NBEA: variants seen among roughly 807,000 people sequenced by gnomAD.
NBEA encodes the protein neurobeachin, also known as lysosomal-trafficking regulator 2.
A neutral mutation model predicts 343.4 loss-of-function variants in NBEA; 44 were observed. The observed-to-expected ratio is 0.13, with a 90% CI of 0.10 to 0.16. NBEA has a LOEUF of 0.16. Among genes scored for constraint, NBEA ranks in the 10% least tolerant of loss-of-function variants. The probability of loss-of-function intolerance (pLI) is 1.00; values close to 1 mark genes in which losing one functional copy is unlikely to be tolerated. For synonymous variants in NBEA, 1,175 were observed against 1,238.7 expected (o/e 0.95, Z 1.08); for missense variants, 2,555 against 3,631.3 (o/e 0.70, Z 7.62).
At chr13:35,301,099 T>C (rs2036511030) in intron 35 of NBEA, among the ~76,000 whole-genome samples, 1 of 152,082 alleles carries the variant, frequency 6.6e-6, no homozygotes, top group African/African-American at 2.4e-5. Flanking sequence ...CTTTTCTGTC[T>C]CTCATTTAGT....
intron 39 of NBEA, among the ~76,000 whole-genome samples, chr13:35,442,102 C>A (rs1732802773): frequency 6.6e-6 from 1 of 152,068 alleles, no homozygotes; most frequent in Admixed American, 6.6e-5. Flanking sequence ...GAAATACCAA[C>A]AAAAGTGCCA....
At chr13:35,270,523 G>T (rs569389512) in intron 34 of NBEA, among the ~76,000 whole-genome samples, 1 of 152,214 alleles carries the variant, frequency 6.6e-6, no homozygotes, top group Non-Finnish European at 1.5e-5. Flanking sequence ...CCAGGGCAGG[G>T]TGTCGCCTCA....
intron 1 of NBEA, among the ~76,000 whole-genome samples, chr13:34,953,977 G>A (rs2059419535): frequency 6.6e-6 from 1 of 152,194 alleles, no homozygotes; most frequent in Admixed American, 6.5e-5. Context: ...CTGATGATCT[G>A]AGGTGGAACA....
intron 38 of NBEA, among the ~76,000 whole-genome samples, chr13:35,368,485 C>A (rs2041251386): frequency 6.6e-6 from 1 of 151,480 alleles, no homozygotes; most frequent in Non-Finnish European, 1.5e-5. Context: ...CTATTCTGTC[C>A]CACTTGAGAT....
chr13:35,220,413 T>C (rs1167913075), intron 33 of NBEA, among the ~76,000 whole-genome samples: 1 of 152,202 alleles, frequency 6.6e-6, no homozygotes, highest in Admixed American at 6.5e-5. Flanking sequence ...TCATGAATTT[T>C]TAGTTCCTAT....
chr13:35,423,614 G>T (rs566087872), intron 38 of NBEA, among the ~76,000 whole-genome samples: 2 of 152,150 alleles, frequency 1.3e-5, no homozygotes, highest in African/African-American at 4.8e-5. Flanking sequence ...TTTGGCTTAG[G>T]ATTGACTTGG....
chr13:35,626,195 A>G (rs1177657710), intron 48 of NBEA, among the ~76,000 whole-genome samples: 1 of 152,256 alleles, frequency 6.6e-6, no homozygotes, highest in East Asian at 1.9e-4. Flanking sequence ...GTTCAAAAGT[A>G]TATCCACAAA....
chr13:35,229,451 T>C (rs1269484133), intron 33 of NBEA, among the ~76,000 whole-genome samples: 1 of 152,202 alleles, frequency 6.6e-6, no homozygotes, highest in Non-Finnish European at 1.5e-5. Context: ...AATAATTTGC[T>C]GAAGAATACC....
chr13:35,482,588 A>G (rs1054578289), intron 41 of NBEA, among the ~76,000 whole-genome samples: 5 of 151,676 alleles, frequency 3.3e-5, no homozygotes, highest in Non-Finnish European at 5.9e-5. Flanking sequence ...AGAAGCATGA[A>G]CAGCATAGTT....
At chr13:35,441,223 TAAAAG>T (rs1425042256) in intron 39 of NBEA, among the ~76,000 whole-genome samples, 1 of 152,190 alleles carries the variant, frequency 6.6e-6, no homozygotes, top group Non-Finnish European at 1.5e-5. Context: ...GTGATATACT[TAAAAG>T]AAGACACCAA....
At chr13:35,174,709 G>T (rs1449248645) in intron 27 of NBEA, among the ~76,000 whole-genome samples, 1 of 152,058 alleles carries the variant, frequency 6.6e-6, no homozygotes, top group Admixed American at 6.6e-5. Context: ...CATCAGTAAT[G>T]CCTGATATCA....
In NBEA at chr13:35,182,507, A is replaced by G. The variant is rs772128021; in HGVS notation, c.4810A>G (p.Ile1604Val). ...ACCAGGTAGAAACATCAGGCAAGAAATAAATTCACCAACAAGTACAGGTAC... is the reference window on the plus strand; with the variant it reads ...ACCAGGTAGAAACATCAGGCAAGAAGTAAATTCACCAACAAGTACAGGTAC... ...SQPGRNIRQE[I>V]NSPTSTVVVI... The change falls in exon 29 of 59, where the codon ATA becomes GTA. Residue 1604 changes from isoleucine (I) to valine (V), a missense_variant. This residue lies in a region of NBEA where 270 missense variants were observed against 293.3 expected (regional missense o/e 0.92). Transcript: ENST00000379939. 1 of 1,609,998 alleles carries G rather than the reference A, an allele frequency of 6.2e-7. No individual in the cohort carries two copies. Among genetic ancestry groups the G allele is most frequent in the Non-Finnish European group, 8.5e-7 (1 of 1,177,268 alleles).
intron 1 of NBEA, among the ~76,000 whole-genome samples, chr13:34,943,347 A>G (rs964071033): frequency 2.0e-5 from 3 of 151,992 alleles, no homozygotes; most frequent in Non-Finnish European, 4.4e-5. Flanking sequence ...GCAGTGCCCA[A>G]CTTAACACCG....
At chr13:35,111,583 A>G (rs1298873005) in intron 13 of NBEA, among the ~76,000 whole-genome samples, 9 of 152,120 alleles carry the variant, frequency 5.9e-5, no homozygotes, top group Non-Finnish European at 1.2e-4. Flanking sequence ...TTAATTATAG[A>G]TTGAGATTTT....
chr13:35,433,666 A>G (rs936427245), intron 39 of NBEA, among the ~76,000 whole-genome samples: 4 of 152,044 alleles, frequency 2.6e-5, no homozygotes, highest in African/African-American at 7.2e-5. Flanking sequence ...CAGTAACTTT[A>G]TATAGTAAAA....
intron 1 of NBEA, among the ~76,000 whole-genome samples, chr13:34,996,822 A>G (rs2060958448): frequency 6.6e-6 from 1 of 152,180 alleles, no homozygotes; most frequent in South Asian, 2.1e-4. Context: ...AGTAAATAGT[A>G]TACATGCTCA....
chr13:35,186,782 T>C (rs879602255), intron 30 of NBEA: 11 of 152,132 alleles, frequency 7.2e-5, no homozygotes, highest in African/African-American at 1.2e-4. Flanking sequence ...TGTTTAGTTA[T>C]GTTGTGTAAT....
Position 35,159,240 on chromosome 13 carries a change from T to G in NBEA, c.3069T>G (p.Asp1023Glu), listed in dbSNP as rs1004093393. 32 of 1,613,540 alleles carry G rather than the reference T, an allele frequency of 2.0e-5. No homozygotes were observed. Among genetic ancestry groups the G allele is most frequent in the African/African-American group, 2.7e-5 (2 of 74,918 alleles). The change falls in exon 22 of 59, where the codon GAT becomes GAG. Residue 1023 changes from aspartate to glutamate, a missense_variant. Around this residue, in one of 21 missense-constraint regions of NBEA, gnomAD observed 367 missense variants for 377.5 expected, o/e 0.97. Coordinates refer to ENST00000379939, the MANE Select transcript of NBEA (RefSeq NM_001385012.1). ...ESETDYPVSTDTRDLLMSTKV... is the reference protein window; with the variant it reads ...ESETDYPVSTETRDLLMSTKV... Reference sequence around the variant, plus strand: ...AGACCGATTACCCTGTCAGCACAGATACTCGAGACTTACTCATGTCAACAA... The same window carrying G: ...AGACCGATTACCCTGTCAGCACAGAGACTCGAGACTTACTCATGTCAACAA...
chr13:35,149,237 T>G (rs74048917), intron 18 of NBEA, among the ~76,000 whole-genome samples: 4,234 of 152,284 alleles, frequency 0.028, 87 homozygotes, highest in South Asian at 0.075. Flanking sequence ...CTTTTCCCTA[T>G]GCAGAGTATA....
Sources: gnomAD v4.1 joint callset for allele counts (sites outside exome capture counted in the v4.1 genomes callset) on GRCh38, gnomAD v4.1.1 for gene constraint, gnomAD v4.1.1 regional missense constraint, MANE v1.5 for transcripts, NCBI Gene and HGNC (gene_info 2026-07-23, HGNC 2026-07-21) for gene names.